Variants in LMF1 observed in about 807,000 individuals in gnomAD.
LMF1 encodes lipase maturation factor 1.
Under a neutral mutation model 60.6 loss-of-function variants are expected in LMF1, and 68 were observed. The observed-to-expected ratio is 1.12, with a 90% CI of 0.92 to 1.37. LMF1 has a LOEUF of 1.37. Among genes scored for constraint, LMF1 ranks in the 40% most tolerant of loss-of-function variants. LMF1 has a pLI of 0.00. For synonymous variants in LMF1, 418 were observed against 324.7 expected (o/e 1.29, Z -3.09); for missense variants, 948 against 767.2 (o/e 1.24, Z -2.78).
intron 5 of LMF1, 28 bp downstream of exon 5, chr16:892,979 C>A (rs765152971): frequency 6.6e-7 from 1 of 1,521,602 alleles, no homozygotes; most frequent in South Asian, 1.2e-5. Flanking sequence ...ACCGGGTGCC[C>A]TGCCCTCACG....
intron 6 of LMF1, chr16:871,779 GAC>G (rs1373819004): frequency 4.3e-5 from 7 of 160,948 alleles, no homozygotes; most frequent in African/African-American, 9.6e-5. Flanking sequence ...GCCGATGGGT[GAC>G]ACAGACAACA....
At chr16:976,039 G>A (rs2073132656) in intron 1 of LMF1, 2 of 301,472 alleles carry the variant, frequency 6.6e-6, no homozygotes, top group African/African-American at 1.6e-4. Context: ...TCTGAAGGTT[G>A]AGCTTGGAAG....
intron 10 of LMF1, chr16:856,178 C>G (rs1307992858): frequency 8.5e-6 from 3 of 353,766 alleles, no homozygotes; most frequent in South Asian, 4.3e-5. Flanking sequence ...TCCAGGAGGG[C>G]ACTGCCCACT....
At chr16:933,748 C>T in intron 3 of LMF1, 1 of 353,280 alleles carries the variant, frequency 2.8e-6, no homozygotes, top group South Asian at 2.3e-5. Flanking sequence ...GTCCTCCCGG[C>T]CCTGTCCTGT....
chr16:955,250 A>G (rs2072659526), intron 1 of LMF1, among the ~76,000 whole-genome samples: 1 of 116,642 alleles, frequency 8.6e-6, no homozygotes. Context: ...TGGTGTGTGC[A>G]TACACACACA....
intron 4 of LMF1, among the ~76,000 whole-genome samples, chr16:906,301 C>T (rs557792271): frequency 6.6e-6 from 1 of 152,260 alleles, no homozygotes; most frequent in African/African-American, 2.4e-5. Flanking sequence ...AAGTACTGAT[C>T]CTGGGTGTGT....
chr16:869,829 A>G, intron 9 of LMF1, 54 bp downstream of exon 9: 1 of 1,557,562 alleles, frequency 6.4e-7, no homozygotes, highest in Non-Finnish European at 8.7e-7. Flanking sequence ...ATCTATGGGC[A>G]GAAGAGGGTG....
At chr16:863,058 T>C (rs1328871679) in intron 10 of LMF1, among the ~76,000 whole-genome samples, 17 of 152,134 alleles carry the variant, frequency 1.1e-4, no homozygotes, top group Non-Finnish European at 1.5e-5. Context: ...TTGTGGTAGT[T>C]TGTGTTTTTT....
rs1387704191 is a variant in LMF1, at chr16:897,811, T to G, written c.664-4739A>C. ...CAGGGGTGGTGCCTGGGGTCCCGCC[T>G]GGCTCCGTGGCTTTCCTGTCTTCCT... On this transcript the variant is annotated intron_variant, in intron 4 of 10. Coordinates refer to ENST00000262301, the MANE Select transcript of LMF1 (RefSeq NM_022773.4). This position sits in a 1 kb window ranked among gnomAD's most constrained non-coding sequence, Gnocchi z 4.3. Among the ~76,000 whole-genome samples, 1 of 152,198 alleles carries G rather than the reference T, an allele frequency of 6.6e-6. No individual in the cohort carries two copies. The highest frequency in any genetic ancestry group is 1.5e-5 in the Non-Finnish European group (1 of 68,028).
chr16:863,808 TATTG>T (rs1331185354), intron 10 of LMF1, among the ~76,000 whole-genome samples: 3 of 152,224 alleles, frequency 2.0e-5, no homozygotes, highest in Non-Finnish European at 4.4e-5. Context: ...GATGTCAGAT[TATTG>T]ATTTGAGATC....
chr16:949,045 C>T lies in LMF1; in HGVS notation c.503+5312G>A, dbSNP rs151225279. Among the ~76,000 whole-genome samples, 566 of 123,956 alleles carry T rather than the reference C, an allele frequency of 4.6e-3. 23 individuals are homozygous for T. Among genetic ancestry groups the T allele is most frequent in the African/African-American group, 8.0e-3 (231 of 28,794 alleles). 81.3% of individuals were successfully genotyped at this position (123,956 alleles called of 152,430 possible). Reference sequence around the variant, plus strand: ...GTCAGTCAATGACAGAGTCAGCCAACGACAGAGTCAGAGCCAACGACAGAG... The same window carrying T: ...GTCAGTCAATGACAGAGTCAGCCAATGACAGAGTCAGAGCCAACGACAGAG... On this transcript the variant is annotated intron_variant, in intron 2 of 10. Transcript: ENST00000262301.
At chr16:947,140 C>T (rs971193803) in intron 2 of LMF1, among the ~76,000 whole-genome samples, 6 of 152,250 alleles carry the variant, frequency 3.9e-5, no homozygotes, top group African/African-American at 1.2e-4. Context: ...ACAGAAGAGA[C>T]GCCCAGGGTG....
In LMF1 at chr16:874,180, T is replaced by G. The variant is rs1452686555; in HGVS notation, c.898-2839A>C. 6.6e-6 allele frequency among the ~76,000 whole-genome samples: 1 copy of G among 152,246 alleles called. No homozygotes were observed. The highest frequency in any genetic ancestry group is 1.9e-4 in the East Asian group (1 of 5,190). ...TCAAAAGCATGAACTTACTTTGCGT[T>G]ATCTGTGTTGTTTCATCACAACCGA... On this transcript the variant is annotated intron_variant, in intron 6 of 10. Coordinates refer to ENST00000262301, the MANE Select transcript of LMF1 (RefSeq NM_022773.4). This position sits in a 1 kb window ranked among gnomAD's most constrained non-coding sequence, Gnocchi z 4.1.
chr16:888,710 C>T (rs1044641589), intron 5 of LMF1, among the ~76,000 whole-genome samples: 3 of 145,598 alleles, frequency 2.1e-5, no homozygotes, highest in East Asian at 4.1e-4. Context: ...GAGCAGTGGC[C>T]ATGCCCAGTC....
intron 2 of LMF1, among the ~76,000 whole-genome samples, chr16:939,280 G>A (rs1383707214): frequency 1.3e-5 from 2 of 152,168 alleles, no homozygotes; most frequent in Non-Finnish European, 2.9e-5. Context: ...CGAACCCTGG[G>A]TGCAGGCTGG....
intron 4 of LMF1, 187 bp from the exon 5 acceptor site, chr16:893,259 G>C (rs2070544567): frequency 2.9e-6 from 2 of 683,922 alleles, no homozygotes; most frequent in Non-Finnish European, 5.3e-6. Context: ...GGCAGATTCA[G>C]GGCTGCTTTG....
At chr16:904,299 G>T (rs1367089520) in intron 4 of LMF1, among the ~76,000 whole-genome samples, 1 of 124,954 alleles carries the variant, frequency 8.0e-6, no homozygotes, top group Non-Finnish European at 1.7e-5. Context: ...GGTGACCTCT[G>T]CACTGCCTGT....
At position 968,962 on chromosome 16, in the gene LMF1, G is replaced by A. The variant is rs542558333; in HGVS notation, c.193+1826C>T. 2.0e-5 allele frequency: 3 copies of A among 152,322 alleles called. No individual in the cohort carries two copies. In the South Asian group the frequency reaches 6.2e-4, roughly 32 times the overall value. The allele number at this position is 152,322 out of a possible 1,614,324, so 9.4% of individuals were successfully genotyped here. A position where few individuals can be genotyped will look rare whatever the true frequency, so the allele number is the denominator to read the frequency against. On this transcript the variant is annotated intron_variant, in intron 1 of 10. Coordinates refer to ENST00000262301, the MANE Select transcript of LMF1 (RefSeq NM_022773.4). ...ATCTCTACTTCATCGTTTGCTAAGT[G>A]ACAGCACCAACATTTAAAATGACTG...
At chr16:948,085 G>GAGAGTCAGCCAACGAC (rs1273249055) in intron 2 of LMF1, among the ~76,000 whole-genome samples, 1 of 147,674 alleles carries the variant, frequency 6.8e-6, no homozygotes, top group Non-Finnish European at 1.5e-5. Context: ...GAGACAACGA[G>GAGAGTCAGCCAACGAC]AGAGTCAGCC....
Sources: allele counts gnomAD v4.1 joint callset (sites outside exome capture counted in the v4.1 genomes callset), GRCh38; gene constraint gnomAD v4.1.1; non-coding constraint Gnocchi (gnomAD v3.1); transcripts MANE v1.5; gene names NCBI Gene and HGNC (gene_info 2026-07-23, HGNC 2026-07-21).